LTAP1: variants seen among roughly 807,000 people sequenced by gnomAD.
LTAP1 encodes the protein lipid transport auxiliary protein 1.
chr1:154,214,867 CAG>C, the LTAP1 span, among the ~76,000 whole-genome samples: 3 of 143,344 alleles, frequency 2.1e-5, no homozygotes, highest in African/African-American at 7.8e-5. Context: ...TTTTTTGAGA[CAG>C]AGTCTTGCTC....
the LTAP1 span, chr1:154,212,876 T>C: frequency 2.2e-6 from 1 of 446,788 alleles, no homozygotes; most frequent in South Asian, 2.1e-5. Context: ...TTTCACCTTG[T>C]TGGCTAGGTT....
the LTAP1 span, chr1:154,212,328 C>G: frequency 3.7e-6 from 6 of 1,614,052 alleles, no homozygotes; most frequent in Non-Finnish European, 5.1e-6. Context: ...ACGCAGTGGC[C>G]AGCTCACTCA....
the LTAP1 span, among the ~76,000 whole-genome samples, chr1:154,214,245 C>A: frequency 2.0e-5 from 3 of 152,078 alleles, no homozygotes; most frequent in African/African-American, 7.2e-5. Context: ...CATTGCACTC[C>A]AGCCTGGGCA....
At chr1:154,207,225 C>A in the LTAP1 span, 2 of 403,064 alleles carry the variant, frequency 5.0e-6, no homozygotes, top group South Asian at 4.6e-5. Context: ...CAGAAAAAAG[C>A]GCTACTGGGG....
chr1:154,209,025 GC>G, the LTAP1 span, among the ~76,000 whole-genome samples: 6 of 152,160 alleles, frequency 3.9e-5, no homozygotes, highest in Non-Finnish European at 8.8e-5. Context: ...TGGGATTACA[GC>G]CGTGAGCCAC....
the LTAP1 span, chr1:154,212,173 G>A: frequency 6.6e-6 from 6 of 903,366 alleles, no homozygotes; most frequent in East Asian, 7.3e-5. Context: ...GCTTTCTAAT[G>A]TAAGAGACTG....
At chr1:154,212,518 T>A in the LTAP1 span, 2 of 1,614,182 alleles carry the variant, frequency 1.2e-6, no homozygotes, top group East Asian at 2.2e-5. Flanking sequence ...GTGCTTTGCG[T>A]ACACCCTTGA....
chr1:154,220,526 G>A, the LTAP1 span: 2 of 1,112,600 alleles, frequency 1.8e-6, no homozygotes, highest in East Asian at 2.4e-5. Context: ...ATTTCCTTAC[G>A]GGGGAAGACC....
chr1:154,219,989 T>A, the LTAP1 span: 1 of 1,437,096 alleles, frequency 7.0e-7, no homozygotes, highest in Non-Finnish European at 9.5e-7. Flanking sequence ...TTTGTTTTGT[T>A]TTTTTTTTAA....
At chr1:154,207,790 AC>A in the LTAP1 span, 1 of 704,562 alleles carries the variant, frequency 1.4e-6, no homozygotes, top group Non-Finnish European at 2.3e-6. Flanking sequence ...AGTTACTAAA[AC>A]CCCATCTAGT....
At chr1:154,210,784 T>C in the LTAP1 span, among the ~76,000 whole-genome samples, 1 of 150,922 alleles carries the variant, frequency 6.6e-6, no homozygotes, top group Non-Finnish European at 1.5e-5. Flanking sequence ...GCCTAAGTTT[T>C]TACTCTAGAT....
chr1:154,219,260 TAG>T, the LTAP1 span, among the ~76,000 whole-genome samples: 26 of 152,128 alleles, frequency 1.7e-4, no homozygotes, highest in Non-Finnish European at 3.4e-4. Context: ...AGTTCTAGGA[TAG>T]AGATAAAATT....
the LTAP1 span, among the ~76,000 whole-genome samples, chr1:154,216,877 G>A: frequency 2.0e-5 from 3 of 151,368 alleles, no homozygotes; most frequent in East Asian, 3.9e-4. Context: ...TCGAACTCCT[G>A]AGCTGACGTG....
chr1:154,216,840 G>A, the LTAP1 span, among the ~76,000 whole-genome samples: 1 of 151,668 alleles, frequency 6.6e-6, no homozygotes, highest in African/African-American at 2.4e-5. Flanking sequence ...ATAGAGACAG[G>A]GTTTCCCCAT....
chr1:154,207,233 G>A, the LTAP1 span: 12 of 426,616 alleles, frequency 2.8e-5, no homozygotes, highest in Non-Finnish European at 4.6e-5. Context: ...AGCGCTACTG[G>A]GGGAAAATAG....
the LTAP1 span, chr1:154,220,092 GT>G: frequency 1.4e-6 from 1 of 738,486 alleles, no homozygotes; most frequent in African/African-American, 1.8e-5. Flanking sequence ...TATGATGGGG[GT>G]GGATCTAAGA....
the LTAP1 span, chr1:154,212,864 G>A: frequency 4.3e-6 from 2 of 468,400 alleles, no homozygotes; most frequent in Admixed American, 6.7e-5. Flanking sequence ...AATACAAAAG[G>A]GTTTCACCTT....
the LTAP1 span, chr1:154,220,368 C>G: frequency 6.2e-7 from 1 of 1,614,202 alleles, no homozygotes; most frequent in African/African-American, 1.3e-5. Context: ...ATCACCAGCA[C>G]GACATTCACC....
the LTAP1 span, among the ~76,000 whole-genome samples, chr1:154,214,969 A>G: frequency 6.6e-6 from 1 of 150,956 alleles, no homozygotes; most frequent in Non-Finnish European, 1.5e-5. Flanking sequence ...CTCAGCCTCC[A>G]GAGTAGCTGG....
Sources: allele counts gnomAD v4.1 joint callset (sites outside exome capture counted in the v4.1 genomes callset), GRCh38; gene constraint gnomAD v4.1.1; transcripts MANE v1.5; gene names NCBI Gene and HGNC (gene_info 2026-07-23, HGNC 2026-07-21).